Variants in SNX24 observed in about 807,000 individuals in gnomAD.
SNX24 encodes sorting nexin 24.
Under a neutral mutation model 28.7 loss-of-function variants are expected in SNX24, and 22 were observed. The observed-to-expected ratio is 0.77, with a 90% CI of 0.55 to 1.10. The LOEUF (loss-of-function observed/expected upper bound fraction) is 1.10. SNX24 is among the 50% of genes least tolerant of loss of function. The probability of loss-of-function intolerance (pLI) is 0.00; values close to 1 mark genes in which losing one functional copy is unlikely to be tolerated. For synonymous variants in SNX24, 69 were observed against 71.5 expected, an observed-to-expected ratio of 0.96 and a Z score of 0.18; for missense variants, 221 against 201.1, an observed-to-expected ratio of 1.10 and a Z score of -0.60.
At chr5:122,948,775 G>A (rs922501240) in intron 3 of SNX24, 3 of 152,156 alleles carry the variant, frequency 2.0e-5, no homozygotes, top group African/African-American at 7.2e-5. Context: ...TTAAAGAGTT[G>A]GGAATGGAAT....
At position 123,008,872 on chromosome 5, in the gene SNX24, A is replaced by G; in HGVS notation, c.*1123A>G. On this transcript the variant is annotated 3_prime_UTR_variant, in exon 7 of 7. Coordinates refer to ENST00000261369, the MANE Select transcript of SNX24 (RefSeq NM_014035.4). The stretch of plus-strand genomic sequence containing the variant: ...GGATAAAAGCATATATACTACCTAT[A>G]TGTATGTGCTGTATGTGGGCATTTC... 4.1e-6 allele frequency: 4 copies of G among 982,994 alleles called. No individual in the cohort carries two copies. Among genetic ancestry groups the G allele is most frequent in the Non-Finnish European group, 4.8e-6 (4 of 827,320 alleles). The allele number at this position is 982,994 out of a possible 1,614,324, so 60.9% of individuals were successfully genotyped here.
chr5:122,927,665 A>G (rs1193746208), intron 1 of SNX24, among the ~76,000 whole-genome samples: 1 of 152,168 alleles, frequency 6.6e-6, no homozygotes, highest in Admixed American at 6.5e-5. Flanking sequence ...AGTGAAGCAA[A>G]ATCTTCTTGT....
chr5:122,900,190 C>CTT (rs34211374), intron 1 of SNX24, among the ~76,000 whole-genome samples: 15,369 of 148,358 alleles, frequency 0.1, 1,181 homozygotes, highest in East Asian at 0.36. Context: ...CACCCAGCTA[C>CTT]TTTTTTTTTT....
chr5:122,854,538 A>C (rs983523270), intron 1 of SNX24, among the ~76,000 whole-genome samples: 4 of 150,560 alleles, frequency 2.7e-5, no homozygotes, highest in South Asian at 2.1e-4. Context: ...CAAAAAAAAA[A>C]ACATAGTGTT....
intron 1 of SNX24, among the ~76,000 whole-genome samples, chr5:122,870,452 C>T (rs1755921409): frequency 6.6e-6 from 1 of 152,138 alleles, no homozygotes; most frequent in Non-Finnish European, 1.5e-5. Flanking sequence ...TTAGTTTCAG[C>T]CAATGACCCT....
chr5:122,961,585 C>T (rs1275220987), intron 3 of SNX24, among the ~76,000 whole-genome samples: 3 of 152,182 alleles, frequency 2.0e-5, no homozygotes, highest in Non-Finnish European at 4.4e-5. Flanking sequence ...TCGATACAGA[C>T]TCAATGTAAC....
intron 1 of SNX24, among the ~76,000 whole-genome samples, chr5:122,869,949 G>GGGCA (rs1302243542): frequency 6.6e-6 from 1 of 151,438 alleles, no homozygotes; most frequent in Admixed American, 6.6e-5. Context: ...ATTGTTTGCA[G>GGGCA]GGTGATGCCA....
chr5:122,940,424 C>G (rs79631381), intron 2 of SNX24, among the ~76,000 whole-genome samples: 1 of 152,104 alleles, frequency 6.6e-6, no homozygotes, highest in African/African-American at 2.4e-5. Context: ...CCATTTTTAC[C>G]TCCATTCTCT....
chr5:122,969,714 C>A (rs1054411175), intron 3 of SNX24, among the ~76,000 whole-genome samples: 4 of 152,162 alleles, frequency 2.6e-5, no homozygotes, highest in Non-Finnish European at 5.9e-5. Flanking sequence ...GAACTCTGAT[C>A]ATCTGTTTCT....
At chr5:122,902,977 C>T (rs1484444154) in intron 1 of SNX24, among the ~76,000 whole-genome samples, 1 of 152,176 alleles carries the variant, frequency 6.6e-6, no homozygotes, top group African/African-American at 2.4e-5. Flanking sequence ...CCTGAGACGT[C>T]CCCAGCCTCT....
chr5:122,903,231 C>A (rs141749466), intron 1 of SNX24, among the ~76,000 whole-genome samples: 1 of 152,134 alleles, frequency 6.6e-6, no homozygotes, highest in Non-Finnish European at 1.5e-5. Flanking sequence ...CCTCAGCCTC[C>A]CTAGTCACTG....
intron 3 of SNX24, among the ~76,000 whole-genome samples, chr5:122,951,124 A>G (rs950080913): frequency 2.0e-5 from 3 of 151,796 alleles, no homozygotes; most frequent in Non-Finnish European, 4.4e-5. Context: ...AAAATTAGCC[A>G]GGCGTGGTGG....
At chr5:122,987,501 T>C (rs958605230) in intron 3 of SNX24, among the ~76,000 whole-genome samples, 1 of 152,212 alleles carries the variant, frequency 6.6e-6, no homozygotes, top group Non-Finnish European at 1.5e-5. Flanking sequence ...CCAGTCTTTT[T>C]TGTATTCTGT....
chr5:122,920,863 A>G (rs1429193340), intron 1 of SNX24, among the ~76,000 whole-genome samples: 3 of 152,200 alleles, frequency 2.0e-5, no homozygotes, highest in Non-Finnish European at 4.4e-5. Flanking sequence ...AAATAGGAAA[A>G]ATTGTGCATA....
chr5:122,909,311 G>T (rs1475953744), intron 1 of SNX24, among the ~76,000 whole-genome samples: 1 of 152,176 alleles, frequency 6.6e-6, no homozygotes, highest in Non-Finnish European at 1.5e-5. Flanking sequence ...CTTAATCTGT[G>T]CCAGGTACCG....
chr5:122,877,091 C>T (rs931403361), intron 1 of SNX24, among the ~76,000 whole-genome samples: 2 of 151,988 alleles, frequency 1.3e-5, no homozygotes, highest in African/African-American at 4.8e-5. Context: ...CAAAGTTAAC[C>T]CTTAGACTTT....
intron 1 of SNX24, among the ~76,000 whole-genome samples, chr5:122,908,452 C>T (rs542044083): frequency 2.0e-5 from 3 of 152,144 alleles, no homozygotes; most frequent in Admixed American, 6.5e-5. Context: ...CATATAAACA[C>T]GAAGAAAAAT....
chr5:122,874,920 A>G (rs1756156739), intron 1 of SNX24, among the ~76,000 whole-genome samples: 1 of 152,260 alleles, frequency 6.6e-6, no homozygotes, highest in African/African-American at 2.4e-5. Flanking sequence ...CCAAGCCCTT[A>G]ACACATAATT....
In SNX24 at chr5:123,016,300, A is replaced by G. The variant is rs544991044; in HGVS notation, n.384-12938A>G. 4.1e-4 allele frequency among the ~76,000 whole-genome samples: 62 copies of G among 152,184 alleles called. 1 individual carries two copies. Among genetic ancestry groups the G allele is most frequent in the Non-Finnish European group, 6.2e-4 (42 of 68,036 alleles). On this transcript the variant is annotated intron_variant and non_coding_transcript_variant, in intron 5 of 5. Coordinates refer to the SNX24 transcript ENST00000502387. The stretch of plus-strand genomic sequence containing the variant: ...GATAGTGACATTGAAGTTGAGACCT[A>G]AAGAATATTGGAGGAATTAGCCAGG...
Sources: gnomAD v4.1 joint callset for allele counts (sites outside exome capture counted in the v4.1 genomes callset) on GRCh38, gnomAD v4.1.1 for gene constraint, MANE v1.5 for transcripts, NCBI Gene and HGNC (gene_info 2026-07-23, HGNC 2026-07-21) for gene names.